Variants in MFSD11 observed in about 807,000 individuals in gnomAD.
MFSD11 encodes major facilitator superfamily domain containing 11.
A neutral mutation model predicts 53.5 loss-of-function variants in MFSD11; 36 were observed. The observed-to-expected ratio is 0.67, with a 90% CI of 0.52 to 0.89. The LOEUF (loss-of-function observed/expected upper bound fraction) is 0.89. Among genes scored for constraint, MFSD11 ranks in the 40% least tolerant of loss-of-function variants. MFSD11 has a pLI of 0.00. For synonymous variants in MFSD11, 186 were observed against 184.9 expected (o/e 1.01, Z -0.05); for missense variants, 530 against 543.9 (o/e 0.97, Z 0.25).
intron 6 of MFSD11, 25 bp from the exon 7 acceptor site, chr17:76,744,294 TATC>T: frequency 6.3e-7 from 1 of 1,595,224 alleles, no homozygotes; most frequent in East Asian, 2.2e-5. Flanking sequence ...TGGTCGATAC[TATC>T]TTGTTTCTTC....
intron 8 of MFSD11, 83 bp downstream of exon 8, chr17:76,754,170 G>A: frequency 8.8e-7 from 1 of 1,139,292 alleles, no homozygotes; most frequent in Non-Finnish European, 1.3e-6. Context: ...TGGTAACTTT[G>A]GATTGATGAC....
At chr17:76,794,010 G>T in the MFSD11 span, among the ~76,000 whole-genome samples, 3 of 151,372 alleles carry the variant, frequency 2.0e-5, no homozygotes, top group African/African-American at 7.4e-5. Context: ...CTCCCCTAGA[G>T]CCTCCAGGAA....
chr17:76,786,343 C>T (rs1190155454), downstream of MFSD11, among the ~76,000 whole-genome samples: 2 of 151,930 alleles, frequency 1.3e-5, no homozygotes, highest in Non-Finnish European at 2.9e-5. Context: ...CAGGGTTTCG[C>T]CATGTTGGCC....
intron 8 of MFSD11, among the ~76,000 whole-genome samples, chr17:76,766,825 C>T (rs1474134378): frequency 6.6e-6 from 1 of 152,164 alleles, no homozygotes; most frequent in Non-Finnish European, 1.5e-5. Flanking sequence ...TTATCCATTG[C>T]AGATTTCAAC....
At chr17:76,781,556 C>T (rs983499608), downstream of MFSD11, 6 of 152,192 alleles carry the variant, frequency 3.9e-5, no homozygotes, top group African/African-American at 1.4e-4. Context: ...ATTCCCAAGC[C>T]TCGCATTCTC....
At position 76,740,976 on chromosome 17, in the gene MFSD11, G is replaced by A; in HGVS notation, c.172G>A (p.Val58Met). The A allele has an allele frequency of 1.3e-6, 2 of 1,599,494 alleles. No homozygotes were observed. Among genetic ancestry groups the A allele is most frequent in the Non-Finnish European group, 1.7e-6 (2 of 1,168,840 alleles). ...GTGCAGCATGGCTATTATCTATGGAGTGTTCTCTGCTTCAAATTTGATTAC... is the reference window on the plus strand; with the variant it reads ...GTGCAGCATGGCTATTATCTATGGAATGTTCTCTGCTTCAAATTTGATTAC... ...GYTSMAIIYGVFSASNLITPS... is the reference protein window; with the variant it reads ...GYTSMAIIYGMFSASNLITPS... The change falls in exon 3 of 13, where the codon GTG (valine) becomes ATG (methionine). Residue 58 changes from valine to methionine, a missense_variant. Val to Met is a conservative substitution (Grantham distance 21). Transcript: ENST00000685175.
chr17:76,778,508 C>T lies in MFSD11; in HGVS notation c.*156C>T, dbSNP rs554063951. 5 of 662,826 alleles carry T rather than the reference C, an allele frequency of 7.5e-6. No homozygotes were observed. Among genetic ancestry groups the T allele is most frequent in the South Asian group, 7.0e-5 (3 of 42,678 alleles). 41.1% of individuals were successfully genotyped at this position (662,826 alleles called of 1,614,324 possible). On this transcript the variant is annotated 3_prime_UTR_variant, in exon 13 of 13. Coordinates refer to ENST00000685175, the MANE Select transcript of MFSD11 (RefSeq NM_001242532.5). The stretch of plus-strand genomic sequence containing the variant: ...TGTTAAATCAGCCAGAGTTGGTGTT[C>T]AAGTTTACAGATATGAGTTATTTAA...
Position 76,754,243 on chromosome 17 carries a change from A to G in MFSD11, c.682+156A>G, listed in dbSNP as rs975055831. 40 of 601,920 alleles carry G rather than the reference A, an allele frequency of 6.6e-5. No homozygotes were observed. The East Asian group carries it at 1.1e-3, about 17-fold the overall frequency. 37.3% of individuals were successfully genotyped at this position (601,920 alleles called of 1,614,324 possible). On this transcript the variant is annotated intron_variant, in intron 8 of 12. Transcript: ENST00000685175. The stretch of plus-strand genomic sequence containing the variant: ...AAATATATTGATCTTCCTTATCAAC[A>G]TCTCTCTAACATGGGGGTTGTGAGG...
In MFSD11 at chr17:76,756,025, C is replaced by T. The variant is rs570709992; in HGVS notation, c.682+1938C>T. On this transcript the variant is annotated intron_variant, in intron 8 of 12. Coordinates refer to ENST00000685175, the MANE Select transcript of MFSD11 (RefSeq NM_001242532.5). The stretch of plus-strand genomic sequence containing the variant: ...TTTTAGTAGAGATGGGATTTCTCCA[C>T]GTTGGTTAGGCTGGTCTCAAACTCC... 2.7e-5 allele frequency among the ~76,000 whole-genome samples: 4 copies of T among 149,538 alleles called. No homozygotes were observed. In the East Asian group the frequency reaches 7.9e-4, roughly 30 times the overall value.
intron 10 of MFSD11, 68 bp downstream of exon 10, chr17:76,769,939 G>A: frequency 7.0e-7 from 1 of 1,419,202 alleles, no homozygotes; most frequent in Non-Finnish European, 9.7e-7. Flanking sequence ...GAAATTTTAA[G>A]TGTGCTTCAC....
intron 7 of MFSD11, among the ~76,000 whole-genome samples, chr17:76,748,861 C>T (rs550442575): frequency 2.0e-5 from 3 of 152,010 alleles, no homozygotes; most frequent in Non-Finnish European, 2.9e-5. Context: ...TCACTTCTTA[C>T]CTTCCTGCAT....
At chr17:76,766,892 C>G in intron 8 of MFSD11, 1 of 153,120 alleles carries the variant, frequency 6.5e-6, no homozygotes, top group Non-Finnish European at 1.5e-5. Flanking sequence ...ATGCACAATG[C>G]AAGTTTCAGT....
rs772516208 is a variant in MFSD11, at chr17:76,738,994, G to C, written c.152+1G>C. ...ATTTTCACGGCAGTGGATATACCAG[G>C]TATTGTACCGTATGATTGATTTTGC... On this transcript the variant is annotated splice_donor_variant, in intron 2 of 12. Coordinates refer to ENST00000685175, the MANE Select transcript of MFSD11 (RefSeq NM_001242532.5). LOFTEE classifies it high-confidence loss of function. 1 of 1,610,420 alleles carries C rather than the reference G, an allele frequency of 6.2e-7. No homozygotes were observed. Among genetic ancestry groups the C allele is most frequent in the Non-Finnish European group, 8.5e-7 (1 of 1,176,894 alleles).
chr17:76,791,263 T>C, the MFSD11 span, among the ~76,000 whole-genome samples: 1 of 149,260 alleles, frequency 6.7e-6, no homozygotes, highest in Non-Finnish European at 1.5e-5. Context: ...TAGAGAAGTC[T>C]AGTCCAGAGG....
chr17:76,769,730 T>A lies in MFSD11; in HGVS notation c.749-16T>A. ...TGAATATATAAATGACATCTGTTTT[T>A]TTTCTTTAACTAAAGGTCTGGAATT... On this transcript the variant is annotated splice_polypyrimidine_tract_variant and intron_variant, in intron 9 of 12. Transcript: ENST00000685175. 1.9e-6 allele frequency: 3 copies of A among 1,570,660 alleles called. No individual in the cohort carries two copies. The highest frequency in any genetic ancestry group is 2.6e-6 in the Non-Finnish European group (3 of 1,160,956).
intron 9 of MFSD11, chr17:76,769,471 C>T: frequency 4.1e-6 from 1 of 241,500 alleles, no homozygotes; most frequent in Non-Finnish European, 7.6e-6. Context: ...TAATTGCCTC[C>T]AAAAGGCCCC....
At chr17:76,772,400 AAAAAAACC>A (rs2081444124) in intron 10 of MFSD11, among the ~76,000 whole-genome samples, 2 of 152,074 alleles carry the variant, frequency 1.3e-5, no homozygotes, top group East Asian at 3.9e-4. Context: ...ATTCTGTCTC[AAAAAAACC>A]AAAAAACCAA....
chr17:76,801,940 C>T, the MFSD11 span, among the ~76,000 whole-genome samples: 1 of 152,104 alleles, frequency 6.6e-6, no homozygotes. Context: ...ATTTTACCCA[C>T]CCCCTATTCA....
At chr17:76,799,690 A>G in the MFSD11 span, 1 of 152,042 alleles carries the variant, frequency 6.6e-6, no homozygotes, top group Non-Finnish European at 1.5e-5. Context: ...TCCTAATTAT[A>G]TCGCAGAACC....
Sources: gnomAD v4.1 joint callset for allele counts (sites outside exome capture counted in the v4.1 genomes callset) on GRCh38, gnomAD v4.1.1 for gene constraint, MANE v1.5 for transcripts, NCBI Gene and HGNC (gene_info 2026-07-23, HGNC 2026-07-21) for gene names.